The following PHF24 variants were observed in gnomAD, a reference collection of about 807,000 sequenced individuals.
PHF24 encodes Galpha inhibitory interacting protein.
A neutral mutation model predicts 42.6 loss-of-function variants in PHF24; 25 were observed. The ratio of observed to expected loss-of-function variants is 0.59; its 90% confidence interval spans 0.43 to 0.82. The LOEUF is 0.82. Ranked by LOEUF, PHF24 falls within the 40% of genes least tolerant of loss-of-function variation. The pLI, the probability that PHF24 is intolerant of heterozygous loss-of-function variation, is 0.00. For missense variants in PHF24, 470 were observed against 538.1 expected (o/e 0.87, Z 1.25); for synonymous variants, 185 against 204.8 (o/e 0.90, Z 0.83).
At chr9:34,975,124 T>C (rs1827140705) in intron 3 of PHF24, among the ~76,000 whole-genome samples, 1 of 152,114 alleles carries the variant, frequency 6.6e-6, no homozygotes, top group Non-Finnish European at 1.5e-5. Context: ...TGAAAACCCT[T>C]TGGTGGCTCC....
the PHF24 span, among the ~76,000 whole-genome samples, chr9:34,825,008 C>T: frequency 1.3e-5 from 2 of 152,000 alleles, no homozygotes; most frequent in African/African-American, 2.4e-5. Context: ...GAGGTGTGGT[C>T]GATAGGGGTG....
chr9:34,777,617 C>T, the PHF24 span, among the ~76,000 whole-genome samples: 2 of 152,172 alleles, frequency 1.3e-5, no homozygotes, highest in Non-Finnish European at 2.9e-5. Context: ...GCCCTTGCTG[C>T]AGTAGCAAAG....
chr9:34,794,705 A>G, the PHF24 span, among the ~76,000 whole-genome samples: 3 of 152,226 alleles, frequency 2.0e-5, no homozygotes, highest in Non-Finnish European at 4.4e-5. Context: ...TTGACTCTAG[A>G]GCACAATAAA....
chr9:34,810,803 A>G, the PHF24 span, among the ~76,000 whole-genome samples: 15 of 152,188 alleles, frequency 9.9e-5, no homozygotes, highest in East Asian at 1.9e-4. Context: ...TTTCTTCTCC[A>G]TGGTAGCCCA....
chr9:34,833,388 C>G, the PHF24 span: 59 of 1,550,980 alleles, frequency 3.8e-5, no homozygotes, highest in East Asian at 1.4e-3. Flanking sequence ...TTCTGCTGCA[C>G]TGCCTTCAAG....
the PHF24 span, among the ~76,000 whole-genome samples, chr9:34,841,810 T>C: frequency 6.6e-6 from 1 of 152,308 alleles, no homozygotes; most frequent in East Asian, 1.9e-4. Context: ...TGAGCCGAGA[T>C]TGCACCACTG....
At chr9:34,817,908 A>G in the PHF24 span, among the ~76,000 whole-genome samples, 46,178 of 152,112 alleles carry the variant, frequency 0.3, 7,841 homozygotes, top group East Asian at 0.56. Flanking sequence ...TGAAATCTCT[A>G]TTCTGTTTCA....
the PHF24 span, among the ~76,000 whole-genome samples, chr9:34,672,840 T>C: frequency 6.6e-6 from 1 of 152,238 alleles, no homozygotes; most frequent in African/African-American, 2.4e-5. Context: ...GAAGTCTCAC[T>C]CTGTCGCCCA....
chr9:34,908,842 C>CTT, the PHF24 span, among the ~76,000 whole-genome samples: 360 of 135,312 alleles, frequency 2.7e-3, no homozygotes, highest in Middle Eastern at 3.8e-3. Context: ...CTTTTCTTTT[C>CTT]TTTTTTTTTT....
the PHF24 span, among the ~76,000 whole-genome samples, chr9:34,718,501 G>A: frequency 2.0e-5 from 3 of 152,332 alleles, no homozygotes; most frequent in Admixed American, 1.3e-4. Flanking sequence ...CTGAGCTCAA[G>A]GAAGTCCTTT....
chr9:34,669,766 G>C, the PHF24 span, among the ~76,000 whole-genome samples: 4 of 152,128 alleles, frequency 2.6e-5, no homozygotes, highest in Non-Finnish European at 4.4e-5. Flanking sequence ...TGGCTCCTGA[G>C]AGGGAGACTA....
the PHF24 span, among the ~76,000 whole-genome samples, chr9:34,856,656 G>A: frequency 6.6e-3 from 1,009 of 152,304 alleles, 9 homozygotes; most frequent in Non-Finnish European, 8.0e-3. Flanking sequence ...TCTTCCTCTA[G>A]GAGCTCCGTC....
chr9:34,784,660 C>A, the PHF24 span, among the ~76,000 whole-genome samples: 1 of 152,184 alleles, frequency 6.6e-6, no homozygotes, highest in Non-Finnish European at 1.5e-5. Context: ...TGCTTTTGTG[C>A]TCCAGATCTT....
the PHF24 span, among the ~76,000 whole-genome samples, chr9:34,739,043 T>C: frequency 6.6e-6 from 1 of 152,232 alleles, no homozygotes; most frequent in African/African-American, 2.4e-5. Flanking sequence ...CATTTTCATG[T>C]ACCATGATTC....
intron 3 of PHF24, among the ~76,000 whole-genome samples, chr9:34,975,204 GC>G (rs1237561798): frequency 6.6e-6 from 1 of 152,024 alleles, no homozygotes; most frequent in East Asian, 1.9e-4. Context: ...TTCATAGTAG[GC>G]CCCCTCCTTC....
the PHF24 span, among the ~76,000 whole-genome samples, chr9:34,676,185 A>G: frequency 6.1e-4 from 93 of 152,324 alleles, no homozygotes; most frequent in African/African-American, 2.1e-3. Flanking sequence ...GCTGGGCTGT[A>G]GTAGCAGGGC....
At chr9:34,768,255 A>G in the PHF24 span, among the ~76,000 whole-genome samples, 1 of 152,230 alleles carries the variant, frequency 6.6e-6, no homozygotes, top group Non-Finnish European at 1.5e-5. Context: ...GGGCTATCCC[A>G]TGCAAGCTGT....
At chr9:34,792,655 C>T in the PHF24 span, among the ~76,000 whole-genome samples, 1 of 146,566 alleles carries the variant, frequency 6.8e-6, no homozygotes, top group South Asian at 2.2e-4. Context: ...GCCTGGGCAA[C>T]AAAAGCGAAA....
chr9:34,870,063 T>C, the PHF24 span, among the ~76,000 whole-genome samples: 1 of 152,132 alleles, frequency 6.6e-6, no homozygotes, highest in Admixed American at 6.6e-5. Context: ...ATAAGCTTTA[T>C]TTTTTAGAGC....
Sources: allele counts gnomAD v4.1 joint callset (sites outside exome capture counted in the v4.1 genomes callset), GRCh38; gene constraint gnomAD v4.1.1; transcripts MANE v1.5; gene names NCBI Gene and HGNC (gene_info 2026-07-23, HGNC 2026-07-21).